The following TRIM37 variants were observed in gnomAD, a reference collection of about 807,000 sequenced individuals.
TRIM37 encodes the protein E3 ubiquitin-protein ligase TRIM37.
TRIM37 carries 80 observed loss-of-function variants against 129.8 expected under a neutral mutation model. The observed-to-expected ratio is 0.62, with a 90% CI of 0.51 to 0.74. The LOEUF (loss-of-function observed/expected upper bound fraction) is 0.74, where lower values mean the gene tolerates loss of function less well. Among genes scored for constraint, TRIM37 ranks in the 30% least tolerant of loss-of-function variants. TRIM37 has a pLI of 0.00. For missense variants in TRIM37, 1,054 were observed against 1,176.5 expected (o/e 0.90, Z 1.52); for synonymous variants, 389 against 387.1 (o/e 1.00, Z -0.06).
intron 22 of TRIM37, among the ~76,000 whole-genome samples, chr17:59,008,541 C>A (rs766913831): frequency 9.2e-5 from 14 of 152,062 alleles, no homozygotes; most frequent in Non-Finnish European, 1.9e-4. Flanking sequence ...TGCTGACCAG[C>A]CATTTTATAT....
chr17:58,968,063 A>G, the TRIM37 span, among the ~76,000 whole-genome samples: 1 of 152,118 alleles, frequency 6.6e-6, no homozygotes. Context: ...TGGCCTCTCA[A>G]AGTGCTGGAA....
chr17:59,072,608 C>T (rs928137510), intron 8 of TRIM37, among the ~76,000 whole-genome samples: 34 of 151,840 alleles, frequency 2.2e-4, no homozygotes, highest in African/African-American at 6.8e-4. Context: ...ATTAGCTGGG[C>T]GTGGTGGCAC....
At chr17:59,082,998 C>A (rs1006141180) in intron 5 of TRIM37, among the ~76,000 whole-genome samples, 12 of 152,148 alleles carry the variant, frequency 7.9e-5, no homozygotes, top group Admixed American at 7.2e-4. Context: ...GACTGATGCC[C>A]ACAGAATGAT....
Position 59,096,069 on chromosome 17 carries a change from C to T in TRIM37, c.124-4729G>A, listed in dbSNP as rs746354037. On this transcript the variant is annotated intron_variant, in intron 2 of 23. Transcript: ENST00000262294. ...TATACCACTAAACTATAACAAAAGTCCACTTCTTATGGTATGTCTACCAAA... is the reference window on the plus strand; with the variant it reads ...TATACCACTAAACTATAACAAAAGTTCACTTCTTATGGTATGTCTACCAAA... 3.8e-4 allele frequency among the ~76,000 whole-genome samples: 58 copies of T among 152,146 alleles called. 1 individual carries two copies. The highest frequency in any genetic ancestry group is 1.0e-4 in the Non-Finnish European group (7 of 67,998).
chr17:59,023,619 T>G (rs1023486586), intron 19 of TRIM37, among the ~76,000 whole-genome samples: 1 of 151,836 alleles, frequency 6.6e-6, no homozygotes, highest in African/African-American at 2.4e-5. Flanking sequence ...AGAGCTACTG[T>G]ACCCTAGCCT....
chr17:59,062,701 G>A (rs542600393), intron 10 of TRIM37, 53 bp from the exon 11 acceptor site: 1 of 1,463,830 alleles, frequency 6.8e-7, no homozygotes, highest in Non-Finnish European at 9.6e-7. Context: ...TTGTGAAATG[G>A]CAACAGGCAA....
intron 19 of TRIM37, among the ~76,000 whole-genome samples, chr17:59,024,214 CAAAAAAAA>C (rs1237722939): frequency 2.0e-3 from 151 of 74,974 alleles, no homozygotes; most frequent in African/African-American, 6.8e-3. Context: ...AATTCCGTAT[CAAAAAAAA>C]AAAAAAAAAA....
At chr17:58,999,706 G>A (rs369344402) in intron 23 of TRIM37, among the ~76,000 whole-genome samples, 113 of 152,298 alleles carry the variant, frequency 7.4e-4, no homozygotes, top group African/African-American at 2.7e-3. Context: ...AAAGATGACA[G>A]GAATTGTCTC....
intron 8 of TRIM37, among the ~76,000 whole-genome samples, chr17:59,072,270 G>C (rs978140465): frequency 6.6e-6 from 1 of 152,104 alleles, no homozygotes; most frequent in Non-Finnish European, 1.5e-5. Flanking sequence ...AGAATACTGA[G>C]AAAACAAATT....
chr17:59,057,103 A>AAAAAAT (rs1481154876), intron 12 of TRIM37, 49 bp from the exon 13 acceptor site: 1 of 1,555,042 alleles, frequency 6.4e-7, no homozygotes, highest in Non-Finnish European at 8.8e-7. Flanking sequence ...AAGTAAGAAT[A>AAAAAAT]AAAAACAAAC....
chr17:59,001,241 CTTCT>C (rs1274487888), intron 23 of TRIM37, among the ~76,000 whole-genome samples: 2 of 148,250 alleles, frequency 1.3e-5, no homozygotes, highest in African/African-American at 2.5e-5. Flanking sequence ...AAAGAAAATT[CTTCT>C]TTGTTTCTTT....
Position 59,049,270 on chromosome 17 carries a change from T to C in TRIM37, c.1438A>G (p.Met480Val). 1.2e-6 allele frequency: 2 copies of C among 1,614,198 alleles called. No homozygotes were observed. Among genetic ancestry groups the C allele is most frequent in the African/African-American group, 1.3e-5 (1 of 75,052 alleles). Residue 480 changes from methionine (M) to valine (V), a missense_variant, in exon 15 of 24, where the codon ATG becomes GTG. Transcript: ENST00000262294. ...TRAKKSACSD[M>V]LLEGGPTTAS... ...GTAGTAGGACCACCTTCGAGAAGCA[T>C]GTCAGAGCATGCAGACTTCTTAGCT...
Position 59,061,075 on chromosome 17 carries a change from A to G in TRIM37, c.976T>C (p.Ser326Pro), listed in dbSNP as rs1370806726. 4 of 1,613,764 alleles carry G rather than the reference A, an allele frequency of 2.5e-6. No homozygotes were observed. The highest frequency in any genetic ancestry group is 3.4e-6 in the Non-Finnish European group (4 of 1,179,758). Reference protein sequence around the residue: ...GNGVVRGYYLSVFLELSAGLP... With the variant: ...GNGVVRGYYLPVFLELSAGLP... ...CCAGCTGAGAGCTCCAGAAACACAG[A>G]TAAGTAGTAACCTCGCACAACTCCA... The change falls in exon 12 of 24, where the codon TCT becomes CCT. Residue 326 changes from serine to proline, a missense_variant. Transcript: ENST00000262294.
chr17:58,978,988 T>A (rs1427716693), downstream of TRIM37, among the ~76,000 whole-genome samples: 1 of 152,176 alleles, frequency 6.6e-6, no homozygotes, highest in Non-Finnish European at 1.5e-5. Context: ...TCCCTAACAG[T>A]TGCCTCTGCC....
At chr17:58,985,764 G>C (rs2031746712) in intron 24 of TRIM37, among the ~76,000 whole-genome samples, 1 of 152,066 alleles carries the variant, frequency 6.6e-6, no homozygotes. Context: ...CAGTAAAGAA[G>C]GCCTTTACAA....
intron 17 of TRIM37, among the ~76,000 whole-genome samples, chr17:59,040,143 C>A (rs1452734630): frequency 6.6e-6 from 1 of 151,858 alleles, no homozygotes; most frequent in East Asian, 1.9e-4. Flanking sequence ...TGGACTCAAG[C>A]GATGCACCCA....
chr17:59,045,286 G>A (rs1000486499), intron 16 of TRIM37, among the ~76,000 whole-genome samples: 5 of 151,618 alleles, frequency 3.3e-5, no homozygotes, highest in South Asian at 2.1e-4. Context: ...CGGATATTGC[G>A]CCACTGCACT....
At chr17:59,001,368 A>C (rs942096325) in intron 23 of TRIM37, among the ~76,000 whole-genome samples, 3 of 151,970 alleles carry the variant, frequency 2.0e-5, no homozygotes, top group Admixed American at 2.0e-4. Context: ...CATTAGGTGC[A>C]ACCAAGCCAA....
chr17:59,072,817 AATG>A (rs1199674206), intron 8 of TRIM37, among the ~76,000 whole-genome samples: 1 of 152,174 alleles, frequency 6.6e-6, no homozygotes, highest in African/African-American at 2.4e-5. Flanking sequence ...TACCAAGAAT[AATG>A]ATATCATGTT....
Sources: gnomAD v4.1 joint callset for allele counts (sites outside exome capture counted in the v4.1 genomes callset) on GRCh38, gnomAD v4.1.1 for gene constraint, MANE v1.5 for transcripts, NCBI Gene and HGNC (gene_info 2026-07-23, HGNC 2026-07-21) for gene names.